Variants in GPC5 observed in about 807,000 individuals in gnomAD.
GPC5 encodes glypican-5.
Under a neutral mutation model 53.9 loss-of-function variants are expected in GPC5, and 47 were observed. That is an observed-to-expected ratio of 0.87 (90% CI 0.69 to 1.11). GPC5 has a LOEUF of 1.11. GPC5 is among the 50% of genes most tolerant of loss of function. GPC5 has a pLI of 0.00. For synonymous variants in GPC5, 286 were observed against 263.3 expected (o/e 1.09, Z -0.84); for missense variants, 748 against 713.1 (o/e 1.05, Z -0.56).
At chr13:91,427,466 T>C (rs1370815348) in intron 1 of GPC5, among the ~76,000 whole-genome samples, 1 of 152,240 alleles carries the variant, frequency 6.6e-6, no homozygotes, top group Non-Finnish European at 1.5e-5. Context: ...GTTTCATACT[T>C]GTATGGGGCC....
chr13:91,941,018 G>T (rs2039921378), intron 6 of GPC5, among the ~76,000 whole-genome samples: 1 of 151,972 alleles, frequency 6.6e-6, no homozygotes, highest in Non-Finnish European at 1.5e-5. Context: ...ATTCATTTTT[G>T]TTTTTGTTGC....
At position 91,720,797 on chromosome 13, in the gene GPC5, A is replaced by G. The variant is rs141104736; in HGVS notation, c.1021-7735A>G. ...ATACCTTCATGTGCCCAGTCGCTTC[A>G]GACAAAAGATACCAGAGATTCATGA... On this transcript the variant is annotated intron_variant, in intron 3 of 7. Coordinates refer to ENST00000377067, the MANE Select transcript of GPC5 (RefSeq NM_004466.6). 3.0e-3 allele frequency among the ~76,000 whole-genome samples: 454 copies of G among 152,262 alleles called. 5 individuals are homozygous for G. Among genetic ancestry groups the G allele is most frequent in the Middle Eastern group, 6.8e-3 (2 of 294 alleles).
intron 7 of GPC5, among the ~76,000 whole-genome samples, chr13:92,545,242 C>T (rs1328767375): frequency 2.0e-5 from 3 of 152,258 alleles, no homozygotes; most frequent in Non-Finnish European, 2.9e-5. Context: ...CTACAAAGGA[C>T]ATGAACTCAT....
At chr13:91,761,862 C>A (rs1241258493) in intron 5 of GPC5, among the ~76,000 whole-genome samples, 1 of 152,056 alleles carries the variant, frequency 6.6e-6, no homozygotes, top group Non-Finnish European at 1.5e-5. Context: ...GACCTTCAGC[C>A]CCTCTCCCCT....
chr13:92,778,883 G>A (rs555809014), intron 7 of GPC5, among the ~76,000 whole-genome samples: 4 of 152,022 alleles, frequency 2.6e-5, no homozygotes, highest in South Asian at 4.1e-4. Context: ...ATGTACCTGC[G>A]AAATAGAACA....
chr13:92,314,249 A>G (rs572435693), intron 7 of GPC5, among the ~76,000 whole-genome samples: 7 of 152,004 alleles, frequency 4.6e-5, no homozygotes, highest in Non-Finnish European at 1.0e-4. Context: ...CCCTTTTGTC[A>G]CAGCTTGTGT....
chr13:92,088,177 A>C (rs2041350675), intron 6 of GPC5, among the ~76,000 whole-genome samples: 1 of 152,128 alleles, frequency 6.6e-6, no homozygotes. Context: ...CCCAATGTAC[A>C]GTAGCTTCTA....
chr13:92,074,379 G>T (rs1257080832), intron 6 of GPC5, among the ~76,000 whole-genome samples: 1 of 152,176 alleles, frequency 6.6e-6, no homozygotes, highest in African/African-American at 2.4e-5. Flanking sequence ...TGACTTCTCT[G>T]CTCTTTGAGA....
chr13:92,864,358 A>G (rs1879276678), intron 7 of GPC5, among the ~76,000 whole-genome samples: 1 of 152,190 alleles, frequency 6.6e-6, no homozygotes, highest in Admixed American at 6.6e-5. Flanking sequence ...TGCAGGCATA[A>G]GATTTAACAT....
chr13:91,552,995 C>G (rs567143108), intron 2 of GPC5, among the ~76,000 whole-genome samples: 1 of 152,168 alleles, frequency 6.6e-6, no homozygotes, highest in African/African-American at 2.4e-5. Context: ...CATCATGGTT[C>G]AACTGGCAGT....
intron 6 of GPC5, among the ~76,000 whole-genome samples, chr13:91,959,644 A>G (rs1411515): frequency 3.3e-5 from 5 of 151,780 alleles, no homozygotes; most frequent in African/African-American, 1.2e-4. Context: ...AAATTTCTCA[A>G]AAAAATACTA....
chr13:91,521,117 C>T lies in GPC5; in HGVS notation c.325+72195C>T, dbSNP rs189285776. ...TTTGTTATGTGGAACAGGGCCAAAC[C>T]ACTTGTTTACATTTCACATGTACCA... On this transcript the variant is annotated intron_variant, in intron 2 of 7. Coordinates refer to ENST00000377067, the MANE Select transcript of GPC5 (RefSeq NM_004466.6). Among the ~76,000 whole-genome samples the T allele has an allele frequency of 6.6e-5, 10 of 152,190 alleles. No individual in the cohort carries two copies. In the East Asian group the frequency reaches 1.9e-3, roughly 29 times the overall value.
At position 92,305,011 on chromosome 13, in the gene GPC5, C is replaced by A. The variant is rs537659200; in HGVS notation, c.1561+160022C>A. Among the ~76,000 whole-genome samples the A allele has an allele frequency of 7.9e-5, 12 of 152,180 alleles. No individual in the cohort carries two copies. In the East Asian group the frequency reaches 2.3e-3, roughly 29 times the overall value. On this transcript the variant is annotated intron_variant, in intron 7 of 7. Coordinates refer to ENST00000377067, the MANE Select transcript of GPC5 (RefSeq NM_004466.6). ...GTTCAGGGTGGTATTGCCATAGACC[C>A]ATTAAAGTAAATAGAAAAAACTTTT...
At chr13:92,147,935 A>C (rs2041880406) in intron 7 of GPC5, among the ~76,000 whole-genome samples, 1 of 152,064 alleles carries the variant, frequency 6.6e-6, no homozygotes, top group African/African-American at 2.4e-5. Flanking sequence ...TATATTGGTA[A>C]AGCAAGTTAA....
intron 7 of GPC5, among the ~76,000 whole-genome samples, chr13:92,444,477 C>T (rs1364888090): frequency 6.6e-6 from 1 of 151,986 alleles, no homozygotes. Flanking sequence ...ATGTTTCCAG[C>T]CTTGAAATCA....
At chr13:92,265,096 C>T (rs372561406) in intron 7 of GPC5, among the ~76,000 whole-genome samples, 2 of 151,984 alleles carry the variant, frequency 1.3e-5, no homozygotes, top group Non-Finnish European at 2.9e-5. Context: ...TGTCATTCTC[C>T]CATTGTCTTA....
At chr13:92,512,265 T>G (rs1426151026) in intron 7 of GPC5, among the ~76,000 whole-genome samples, 1 of 148,602 alleles carries the variant, frequency 6.7e-6, no homozygotes, top group Non-Finnish European at 1.5e-5. Flanking sequence ...CGCGCGCGCG[T>G]ACGCTGTGTG....
chr13:91,771,361 G>A (rs534367805), intron 5 of GPC5, among the ~76,000 whole-genome samples: 1 of 152,174 alleles, frequency 6.6e-6, no homozygotes, highest in East Asian at 1.9e-4. Flanking sequence ...CCAATAGAGG[G>A]GAAGCTATTC....
chr13:91,768,118 C>A (rs9523407), intron 5 of GPC5, among the ~76,000 whole-genome samples: 47,870 of 151,956 alleles, frequency 0.32, 9,137 homozygotes, highest in East Asian at 0.65. Flanking sequence ...TATAAATTCA[C>A]TGTTGAATGA....
Sources: gnomAD v4.1 joint callset for allele counts (sites outside exome capture counted in the v4.1 genomes callset) on GRCh38, gnomAD v4.1.1 for gene constraint, MANE v1.5 for transcripts, NCBI Gene and HGNC (gene_info 2026-07-23, HGNC 2026-07-21) for gene names.